Variants in TFDP1 observed in about 807,000 individuals in gnomAD.
The protein encoded by TFDP1 is DRTF1-polypeptide 1.
A neutral mutation model predicts 48.0 loss-of-function variants in TFDP1; 6 were observed. The ratio of observed to expected loss-of-function variants is 0.13; its 90% CI spans 0.07 to 0.25. The LOEUF (loss-of-function observed/expected upper bound fraction) is 0.25, where lower values mean the gene tolerates loss of function less well. Ranked by LOEUF, TFDP1 falls within the 10% of genes least tolerant of loss-of-function variation. The pLI is 1.00. For synonymous variants in TFDP1, 201 were observed against 211.6 expected, an observed-to-expected ratio of 0.95 and a Z score of 0.44; for missense variants, 335 against 543.0, an observed-to-expected ratio of 0.62 and a Z score of 3.81.
chr13:113,590,967 G>A (rs1256184229), intron 2 of TFDP1, among the ~76,000 whole-genome samples: 2 of 126,150 alleles, frequency 1.6e-5, no homozygotes, highest in African/African-American at 3.1e-5. Context: ...CAGAGATCAC[G>A]CCACTGCACT....
chr13:113,602,756 G>A (rs1322816098), intron 2 of TFDP1, among the ~76,000 whole-genome samples: 1 of 152,116 alleles, frequency 6.6e-6, no homozygotes, highest in Non-Finnish European at 1.5e-5. Context: ...GTGCGGCCCT[G>A]GCGTCCCTCT....
chr13:113,616,993 G>A (rs2048875194), intron 3 of TFDP1, among the ~76,000 whole-genome samples: 1 of 152,226 alleles, frequency 6.6e-6, no homozygotes, highest in Non-Finnish European at 1.5e-5. Context: ...TGTTCCAGGT[G>A]TGAGATGGTG....
intron 2 of TFDP1, among the ~76,000 whole-genome samples, chr13:113,609,281 C>T (rs149976637): frequency 1.5e-4 from 23 of 152,334 alleles, no homozygotes; most frequent in Admixed American, 6.5e-4. Flanking sequence ...TGCAGCCCCC[C>T]TGCACATCCT....
At chr13:113,625,525 GTGTTT>G (rs2140509793) in intron 4 of TFDP1, among the ~76,000 whole-genome samples, 1 of 90,994 alleles carries the variant, frequency 1.1e-5, no homozygotes. Flanking sequence ...GTGTCCTCAG[GTGTTT>G]CTCAGGTGTC....
At chr13:113,624,268 G>A (rs1308697831) in intron 4 of TFDP1, among the ~76,000 whole-genome samples, 2 of 152,138 alleles carry the variant, frequency 1.3e-5, no homozygotes, top group Non-Finnish European at 2.9e-5. Flanking sequence ...CTCCGGGTGG[G>A]ATGAGAACCT....
intron 2 of TFDP1, among the ~76,000 whole-genome samples, chr13:113,604,892 G>A (rs1473008389): frequency 2.0e-5 from 3 of 152,178 alleles, no homozygotes; most frequent in South Asian, 2.1e-4. Context: ...TGCAGGCCCC[G>A]TCCCAGGAGC....
intron 4 of TFDP1, among the ~76,000 whole-genome samples, chr13:113,626,524 C>T (rs1192287527): frequency 2.0e-5 from 3 of 151,956 alleles, no homozygotes; most frequent in East Asian, 3.9e-4. Context: ...CCCGCTTCCC[C>T]GCAGCCCCCC....
At chr13:113,611,790 G>A (rs904074417) in intron 3 of TFDP1, among the ~76,000 whole-genome samples, 5 of 152,146 alleles carry the variant, frequency 3.3e-5, no homozygotes, top group African/African-American at 9.7e-5. Flanking sequence ...CTGGGATTGC[G>A]TGCAGGGTAG....
At chr13:113,638,571 G>A (rs949395797) in intron 11 of TFDP1, among the ~76,000 whole-genome samples, 6 of 152,226 alleles carry the variant, frequency 3.9e-5, no homozygotes, top group Admixed American at 2.6e-4. Context: ...TTCAGAACGC[G>A]TCTGTGGTCA....
chr13:113,633,056 C>A lies in TFDP1; in HGVS notation c.309-64C>A. The A allele has an allele frequency of 6.3e-7, 1 of 1,597,786 alleles. No homozygotes were observed. Reference sequence around the variant, plus strand: ...ATTAGAGCTCTCAGGTAAAAGCATTCCTCGATTCAGGCTGATCCTCAGGAG... The same window carrying A: ...ATTAGAGCTCTCAGGTAAAAGCATTACTCGATTCAGGCTGATCCTCAGGAG... On this transcript the variant is annotated intron_variant, in intron 5 of 11. Coordinates refer to ENST00000375370, the MANE Select transcript of TFDP1 (RefSeq NM_007111.5). The surrounding 1 kb of genome is among the most constrained non-coding windows in gnomAD (Gnocchi z 4.5).
At chr13:113,628,609 C>T (rs2049252798) in intron 4 of TFDP1, among the ~76,000 whole-genome samples, 2 of 152,248 alleles carry the variant, frequency 1.3e-5, no homozygotes, top group Non-Finnish European at 2.9e-5. Flanking sequence ...CACAGCCTCC[C>T]AGCTTTGGGC....
At chr13:113,634,852 T>TGTGC (rs1231294955) in intron 8 of TFDP1, among the ~76,000 whole-genome samples, 102 of 151,538 alleles carry the variant, frequency 6.7e-4, no homozygotes, top group Non-Finnish European at 1.9e-4. Flanking sequence ...CATGTGCCTG[T>TGTGC]GTGCGTGCGT....
rs1008365172 is a variant in TFDP1 at position 113,600,221 on chromosome 13, C to T, written c.13-10775C>T. Among the ~76,000 whole-genome samples the T allele has an allele frequency of 1.0e-4, 14 of 138,096 alleles. No homozygotes were observed. The East Asian group carries it at 1.1e-3, about 11-fold the overall frequency. The allele number at this position is 138,096 out of a possible 152,430, so 90.6% of individuals were successfully genotyped here. On this transcript the variant is annotated intron_variant, in intron 2 of 11. Coordinates refer to ENST00000375370, the MANE Select transcript of TFDP1 (RefSeq NM_007111.5). Reference sequence around the variant, plus strand: ...CTCCAGGACCGTGAGAGAGAACCCTCGTGCTTAGGGCTCCAGGACCATGAG... The same window carrying T: ...CTCCAGGACCGTGAGAGAGAACCCTTGTGCTTAGGGCTCCAGGACCATGAG...
rs530000740 is a variant in TFDP1 at position 113,598,057 on chromosome 13, G to A, written c.12+12208G>A. Among the ~76,000 whole-genome samples, 16 of 152,246 alleles carry A rather than the reference G, an allele frequency of 1.1e-4. No individual in the cohort carries two copies. Among genetic ancestry groups the A allele is most frequent in the African/African-American group, 3.4e-4 (14 of 41,546 alleles). ...CTTCATAAGAAAAGGGAGTGGAGCC[G>A]CCGACATTTCAGGTGAGTTGTCATC... On this transcript the variant is annotated intron_variant, in intron 2 of 11. Coordinates refer to ENST00000375370, the MANE Select transcript of TFDP1 (RefSeq NM_007111.5). This position sits in a 1 kb window ranked among gnomAD's most constrained non-coding sequence, Gnocchi z 4.2.
intron 7 of TFDP1, chr13:113,634,333 G>C: frequency 1.6e-6 from 1 of 634,288 alleles, no homozygotes; most frequent in South Asian, 2.0e-5. Context: ...TGAGAGGAAA[G>C]GGGAGAAGGT....
rs139410736 is a variant in TFDP1, at chr13:113,604,995, C to T, written c.13-6001C>T. Among the ~76,000 whole-genome samples the T allele has an allele frequency of 2.7e-4, 41 of 152,278 alleles. No homozygotes were observed. The East Asian group carries it at 7.7e-3, about 29-fold the overall frequency. On this transcript the variant is annotated intron_variant, in intron 2 of 11. Coordinates refer to ENST00000375370, the MANE Select transcript of TFDP1 (RefSeq NM_007111.5). Reference sequence around the variant, plus strand: ...AGCTCTTGGTAGGTTTTGGACGGGACGTGGCTGGCTGAGCTTCCTCTTGGC... The same window carrying T: ...AGCTCTTGGTAGGTTTTGGACGGGATGTGGCTGGCTGAGCTTCCTCTTGGC...
intron 2 of TFDP1, among the ~76,000 whole-genome samples, chr13:113,604,173 A>AAG (rs1457344006): frequency 2.0e-5 from 3 of 151,580 alleles, no homozygotes; most frequent in Non-Finnish European, 4.4e-5. Flanking sequence ...AAAAAAAAAA[A>AAG]AAAAAGGCAA....
chr13:113,605,042 G>A lies in TFDP1; in HGVS notation c.13-5954G>A, dbSNP rs142737951. On this transcript the variant is annotated intron_variant, in intron 2 of 11. Transcript: ENST00000375370. ...TGGCTGTGTGGAGCCTCAGCAGGGC[G>A]TTGTGTTTGACGGCAAATGGGAATT... Among the ~76,000 whole-genome samples, 553 of 152,270 alleles carry A rather than the reference G, an allele frequency of 3.6e-3. 3 individuals are homozygous for A. The highest frequency in any genetic ancestry group is 0.013 in the African/African-American group (528 of 41,550).
intron 8 of TFDP1, 51 bp from the exon 9 acceptor site, chr13:113,635,926 G>T (rs370848266): frequency 6.0e-5 from 95 of 1,585,416 alleles, no homozygotes; most frequent in African/African-American, 1.3e-5. Flanking sequence ...GAGCACAGGG[G>T]CTGCGTTCTT....
Sources: allele counts gnomAD v4.1 joint callset (sites outside exome capture counted in the v4.1 genomes callset), GRCh38; gene constraint gnomAD v4.1.1; non-coding constraint Gnocchi (gnomAD v3.1); transcripts MANE v1.5; gene names NCBI Gene and HGNC (gene_info 2026-07-23, HGNC 2026-07-21).